The following PDE9A variants were observed in gnomAD, a reference collection of about 807,000 sequenced individuals.
PDE9A encodes the protein high affinity cGMP-specific 3',5'-cyclic phosphodiesterase 9A.
PDE9A carries 60 observed loss-of-function variants against 87.4 expected under a neutral mutation model. That is an observed-to-expected ratio of 0.69 (90% CI 0.56 to 0.85). The LOEUF (loss-of-function observed/expected upper bound fraction) is 0.85. PDE9A is among the 40% of genes least tolerant of loss of function. The pLI is 0.00. For missense variants in PDE9A, 665 were observed against 779.0 expected, an observed-to-expected ratio of 0.85 and a Z score of 1.74; for synonymous variants, 272 against 279.4, an observed-to-expected ratio of 0.97 and a Z score of 0.27.
intron 4 of PDE9A, among the ~76,000 whole-genome samples, chr21:42,716,747 CTTTTTTT>C (rs60104683): frequency 1.1e-5 from 1 of 94,256 alleles, no homozygotes; most frequent in Admixed American, 1.3e-4. Flanking sequence ...TTATAATTTC[CTTTTTTT>C]TTTTTTTTTT....
rs1253035397 is a variant in PDE9A, at chr21:42,692,446, GGTC to G, written c.218+4453_218+4455del. Among the ~76,000 whole-genome samples the G allele has an allele frequency of 6.6e-6, 1 of 152,130 alleles. No individual in the cohort carries two copies. The highest frequency in any genetic ancestry group is 1.5e-5 in the Non-Finnish European group (1 of 68,016). On this transcript the variant is annotated intron_variant, in intron 3 of 19. Coordinates refer to ENST00000291539, the MANE Select transcript of PDE9A (RefSeq NM_002606.3). The surrounding 1 kb of genome is among the most constrained non-coding windows in gnomAD (Gnocchi z 4.3). ...CTGAGGCGGAGCACCTGGTGTCTGAGGTCTCCCCTGTGCTCTGTCGCTGTCCTC... is the reference window on the plus strand; with the variant it reads ...CTGAGGCGGAGCACCTGGTGTCTGAGTCCCCTGTGCTCTGTCGCTGTCCTC...
intron 18 of PDE9A, among the ~76,000 whole-genome samples, chr21:42,771,386 T>C (rs546195944): frequency 3.9e-5 from 6 of 152,220 alleles, no homozygotes; most frequent in African/African-American, 9.6e-5. Flanking sequence ...TTTCTACGGA[T>C]TCCCCACGGC....
At chr21:42,770,370 C>T (rs986461862) in intron 17 of PDE9A, among the ~76,000 whole-genome samples, 20 of 152,222 alleles carry the variant, frequency 1.3e-4, no homozygotes, top group African/African-American at 4.6e-4. Flanking sequence ...CCACCCACTT[C>T]CCACTCCCAG....
intron 2 of PDE9A, 42 bp downstream of exon 2, chr21:42,686,304 C>G (rs1455292475): frequency 1.3e-6 from 2 of 1,539,882 alleles, no homozygotes; most frequent in East Asian, 2.2e-5. Flanking sequence ...CGCCACGCGG[C>G]CTCCTCGCCT....
At position 42,705,335 on chromosome 21, in the gene PDE9A, C is replaced by CTTT. The variant is rs982806765; in HGVS notation, c.262+6326_262+6328dup. ...TTGGAAAATCCTTGAGCCTCAATCA[C>CTTT]TTTTATTTGATGTAAGCCGCTCAAA... is the stretch of plus-strand genomic sequence containing the variant. On this transcript the variant is annotated intron_variant, in intron 4 of 19. Coordinates refer to ENST00000291539, the MANE Select transcript of PDE9A (RefSeq NM_002606.3). The surrounding 1 kb of genome is among the most constrained non-coding windows in gnomAD (Gnocchi z 4.3). Among the ~76,000 whole-genome samples the CTTT allele has an allele frequency of 6.6e-6, 1 of 152,206 alleles. No homozygotes were observed. Among genetic ancestry groups the CTTT allele is most frequent in the Non-Finnish European group, 1.5e-5 (1 of 68,040 alleles).
intron 1 of PDE9A, among the ~76,000 whole-genome samples, chr21:42,663,206 C>T (rs1178532821): frequency 6.6e-6 from 1 of 151,060 alleles, no homozygotes; most frequent in African/African-American, 2.4e-5. Context: ...ACCCACCACA[C>T]ACATGCACGC....
intron 1 of PDE9A, among the ~76,000 whole-genome samples, chr21:42,670,632 T>C (rs889032197): frequency 3.3e-5 from 5 of 150,290 alleles, no homozygotes; most frequent in Non-Finnish European, 7.4e-5. Context: ...CACACACACA[T>C]ACACTTACAA....
Position 42,759,016 on chromosome 21 carries a change from G to A in PDE9A, c.828G>A (p.Glu276=), listed in dbSNP as rs2055382312. 1 of 1,613,854 alleles carries A rather than the reference G, an allele frequency of 6.2e-7. No homozygotes were observed. The highest frequency in any genetic ancestry group is 8.5e-7 in the Non-Finnish European group (1 of 1,179,870). ...WEPNEMLSCL[E]HMYHDLGLVR... Reference sequence around the variant, plus strand: ...GCCCACAGATGCTGAGCTGCCTGGAGCACATGTACCACGACCTCGGGCTGG... The same window carrying A: ...GCCCACAGATGCTGAGCTGCCTGGAACACATGTACCACGACCTCGGGCTGG... Residue 276 remains glutamate, a synonymous_variant, in exon 11 of 20, where the codon GAG becomes GAA. Transcript: ENST00000291539. This position sits in a 1 kb window ranked among gnomAD's most constrained non-coding sequence, Gnocchi z 7.2.
At chr21:42,768,000 C>T (rs2056567871) in intron 15 of PDE9A, among the ~76,000 whole-genome samples, 188 bp from the exon 16 acceptor site, 1 of 152,198 alleles carries the variant, frequency 6.6e-6, no homozygotes, top group Admixed American at 6.5e-5. Flanking sequence ...GGGACCCAAA[C>T]AGGACCTTGA....
chr21:42,655,391 A>T (rs980163914), intron 1 of PDE9A, among the ~76,000 whole-genome samples: 13 of 152,174 alleles, frequency 8.5e-5, no homozygotes, highest in African/African-American at 2.2e-4. Flanking sequence ...TGAAAAGTGG[A>T]GGAGAGCTTC....
At chr21:42,725,950 G>T (rs1466338569) in intron 4 of PDE9A, among the ~76,000 whole-genome samples, 1 of 152,118 alleles carries the variant, frequency 6.6e-6, no homozygotes, top group Non-Finnish European at 1.5e-5. Flanking sequence ...ATTCCCACCA[G>T]CCACGAGTGA....
chr21:42,716,747 C>CTTTTTTTTTTT (rs60104683), intron 4 of PDE9A, among the ~76,000 whole-genome samples: 8 of 94,268 alleles, frequency 8.5e-5, no homozygotes, highest in South Asian at 4.3e-4. Context: ...TTATAATTTC[C>CTTTTTTTTTTT]TTTTTTTTTT....
chr21:42,680,870 C>T (rs928584032), intron 1 of PDE9A, among the ~76,000 whole-genome samples: 1 of 152,180 alleles, frequency 6.6e-6, no homozygotes, highest in East Asian at 1.9e-4. Flanking sequence ...GCTCCGGAAA[C>T]GCTGCAGATT....
rs2048664056 is a variant in PDE9A, at chr21:42,704,561, C to G, written c.262+5550C>G. Reference sequence around the variant, plus strand: ...ACTCTCTCTATGGCAACAACCTTCCCTCTCCCGTCCATCGGCCTTGGGTCC... The same window carrying G: ...ACTCTCTCTATGGCAACAACCTTCCGTCTCCCGTCCATCGGCCTTGGGTCC... On this transcript the variant is annotated intron_variant, in intron 4 of 19. Transcript: ENST00000291539. This position sits in a 1 kb window ranked among gnomAD's most constrained non-coding sequence, Gnocchi z 5.3. 6.6e-6 allele frequency among the ~76,000 whole-genome samples: 1 copy of G among 152,196 alleles called. No homozygotes were observed. Among genetic ancestry groups the G allele is most frequent in the Non-Finnish European group, 1.5e-5 (1 of 68,038 alleles).
intron 3 of PDE9A, among the ~76,000 whole-genome samples, chr21:42,697,976 C>G (rs2060233063): frequency 6.6e-6 from 1 of 152,184 alleles, no homozygotes; most frequent in Non-Finnish European, 1.5e-5. Context: ...CTCTTTCAAC[C>G]CACCTGCACC....
At chr21:42,664,213 G>GA (rs1217552178) in intron 1 of PDE9A, among the ~76,000 whole-genome samples, 1 of 152,246 alleles carries the variant, frequency 6.6e-6, no homozygotes, top group Admixed American at 6.5e-5. Context: ...GCGAGGCCAA[G>GA]AGGGAGTCTT....
At chr21:42,676,804 A>G (rs1050942520) in intron 1 of PDE9A, among the ~76,000 whole-genome samples, 2 of 152,046 alleles carry the variant, frequency 1.3e-5, no homozygotes, top group Non-Finnish European at 2.9e-5. Context: ...AGTCCTCCTT[A>G]TTTTGGTTGG....
chr21:42,770,168 G>A (rs2056899705), intron 17 of PDE9A, among the ~76,000 whole-genome samples: 1 of 150,912 alleles, frequency 6.6e-6, no homozygotes, highest in East Asian at 2.0e-4. Flanking sequence ...TTCCTGCCCA[G>A]CTCCCCCCAG....
chr21:42,655,376 G>T (rs111407451), intron 1 of PDE9A, among the ~76,000 whole-genome samples: 21,189 of 152,226 alleles, frequency 0.14, 1,764 homozygotes, highest in Non-Finnish European at 0.2. Context: ...TCTCTTGGAA[G>T]CAGGTGAAAA....
Sources: gnomAD v4.1 joint callset for allele counts (sites outside exome capture counted in the v4.1 genomes callset) on GRCh38, gnomAD v4.1.1 for gene constraint, Gnocchi (gnomAD v3.1) non-coding constraint, MANE v1.5 for transcripts, NCBI Gene and HGNC (gene_info 2026-07-23, HGNC 2026-07-21) for gene names.